LRP12: variants seen among roughly 807,000 people sequenced by gnomAD.
The protein encoded by LRP12 is LDL receptor related protein 12.
In LRP12, 14 loss-of-function variants were observed where a neutral mutation model predicts 66.0. That is an observed-to-expected ratio of 0.21 (90% CI 0.14 to 0.33). The LOEUF is 0.33. LRP12 is among the 10% of genes least tolerant of loss of function. The pLI, the probability that LRP12 is intolerant of heterozygous loss-of-function variation, is 1.00. For missense variants in LRP12, 889 were observed against 1,053.4 expected (o/e 0.84, Z 2.16); for synonymous variants, 357 against 359.1 (o/e 0.99, Z 0.07).
intron 1 of LRP12, among the ~76,000 whole-genome samples, chr8:104,563,659 C>T (rs1458134518): frequency 6.6e-6 from 1 of 152,054 alleles, no homozygotes; most frequent in Non-Finnish European, 1.5e-5. Context: ...AGGGCTCTGT[C>T]CTCAAGAATG....
Position 104,497,512 on chromosome 8 carries a change from G to C in LRP12, c.1040C>G (p.Ser347Cys), listed in dbSNP as rs759034148. 2.5e-6 allele frequency: 4 copies of C among 1,613,924 alleles called. No homozygotes were observed. The highest frequency in any genetic ancestry group is 1.3e-5 in the African/African-American group (1 of 74,904). ...ACAAAAATGTACCCTTATCTGTCCA[G>C]AAGAAGAAACAACTGTAAGAGGTGC... ...SHAPLTVVSS[S>C]GQIRVHFCAD... Residue 347 changes from serine to cysteine, a missense_variant, in exon 5 of 7, where the codon TCT becomes TGT. By Grantham distance (112) the Ser-to-Cys change is moderately radical (BLOSUM62 -1). Transcript: ENST00000276654. The surrounding 1 kb of genome is among the most constrained non-coding windows in gnomAD (Gnocchi z 4.3).
intron 1 of LRP12, among the ~76,000 whole-genome samples, chr8:104,561,679 C>G (rs983946015): frequency 3.9e-5 from 6 of 152,000 alleles, no homozygotes; most frequent in African/African-American, 1.5e-4. Context: ...TGTTATAAAC[C>G]AAGGAGTTTT....
At chr8:104,501,773 G>A (rs1203805187) in intron 3 of LRP12, among the ~76,000 whole-genome samples, 1 of 151,250 alleles carries the variant, frequency 6.6e-6, no homozygotes, top group East Asian at 1.9e-4. Context: ...CTTCCAGCCT[G>A]TGGTTTGTCT....
At chr8:104,510,499 C>T (rs1212160561) in intron 2 of LRP12, among the ~76,000 whole-genome samples, 1 of 152,006 alleles carries the variant, frequency 6.6e-6, no homozygotes, top group Admixed American at 6.6e-5. Context: ...CTGGAACTCT[C>T]GTTGCAATAT....
chr8:104,496,633 T>C (rs771679877), intron 5 of LRP12, among the ~76,000 whole-genome samples: 10 of 152,314 alleles, frequency 6.6e-5, no homozygotes, highest in African/African-American at 1.7e-4. Flanking sequence ...ACATAGCATA[T>C]AGAATAACTG....
Position 104,515,969 on chromosome 8 carries a change from G to T in LRP12, c.137-6895C>A, listed in dbSNP as rs138824026. 1.3e-3 allele frequency among the ~76,000 whole-genome samples: 193 copies of T among 152,110 alleles called. 1 individual carries two copies. Among genetic ancestry groups the T allele is most frequent in the African/African-American group, 4.6e-3 (190 of 41,522 alleles). ...GGGTCTCCCTATGTTGCCCAGGCTG[G>T]TCTTGAACTCTTGAGCTCAAATAAT... On this transcript the variant is annotated intron_variant, in intron 2 of 6. Transcript: ENST00000276654.
intron 1 of LRP12, among the ~76,000 whole-genome samples, chr8:104,539,256 T>C (rs1170247206): frequency 2.0e-5 from 3 of 152,002 alleles, no homozygotes; most frequent in African/African-American, 4.8e-5. Flanking sequence ...GGCACTTATA[T>C]TGATTTAAAA....
intron 1 of LRP12, among the ~76,000 whole-genome samples, chr8:104,565,930 C>T (rs924522554): frequency 9.8e-5 from 10 of 101,682 alleles, no homozygotes; most frequent in South Asian, 3.3e-4. Context: ...AATGGAAAGA[C>T]GGAGGGGGAG....
chr8:104,554,129 C>G (rs1328112846), intron 1 of LRP12, among the ~76,000 whole-genome samples: 1 of 149,718 alleles, frequency 6.7e-6, no homozygotes, highest in Non-Finnish European at 1.5e-5. Flanking sequence ...AGCAGCAGCC[C>G]TTGAGCCCGA....
chr8:104,568,180 G>GT (rs1010295900), intron 1 of LRP12, among the ~76,000 whole-genome samples: 5 of 152,050 alleles, frequency 3.3e-5, no homozygotes, highest in Non-Finnish European at 5.9e-5. Flanking sequence ...AGAAAGACTG[G>GT]TTTTTTCAAC....
At chr8:104,556,816 A>G (rs568806690) in intron 1 of LRP12, among the ~76,000 whole-genome samples, 2 of 152,286 alleles carry the variant, frequency 1.3e-5, no homozygotes, top group South Asian at 4.1e-4. Context: ...CATAACAAAG[A>G]AAACTACAGA....
chr8:104,567,628 A>G (rs2140891954), intron 1 of LRP12, among the ~76,000 whole-genome samples: 1 of 152,330 alleles, frequency 6.6e-6, no homozygotes, highest in South Asian at 2.1e-4. Flanking sequence ...AGAGCTAGTA[A>G]GTTCAACAAG....
rs1812051241 is a variant in LRP12 at position 104,569,726 on chromosome 8, T to C, written c.79+19093A>G. 2.0e-5 allele frequency among the ~76,000 whole-genome samples: 3 copies of C among 152,174 alleles called. No homozygotes were observed. In the South Asian group the frequency reaches 6.2e-4, roughly 32 times the overall value. ...AGCTAACATACTTAATGGTGGAATC[T>C]GAAATACTTTCCGCCCATGATGGAA... On this transcript the variant is annotated intron_variant, in intron 1 of 6. Transcript: ENST00000276654.
At chr8:104,531,010 T>TA (rs1389999619) in intron 2 of LRP12, among the ~76,000 whole-genome samples, 1 of 152,128 alleles carries the variant, frequency 6.6e-6, no homozygotes, top group Admixed American at 6.6e-5. Flanking sequence ...CACTAACCCT[T>TA]AGAGTATTTG....
chr8:104,558,738 AG>A (rs1032532172), intron 1 of LRP12, among the ~76,000 whole-genome samples: 1 of 152,026 alleles, frequency 6.6e-6, no homozygotes, highest in Non-Finnish European at 1.5e-5. Context: ...AGAATCTACA[AG>A]GAACTCAGAG....
chr8:104,525,710 C>A (rs1811224229), intron 2 of LRP12, among the ~76,000 whole-genome samples: 1 of 152,138 alleles, frequency 6.6e-6, no homozygotes, highest in South Asian at 2.1e-4. Context: ...CTATGACAAA[C>A]CCACAGCCAA....
rs540731220 is a variant in LRP12, at chr8:104,548,250, TA to T, written c.80-16288del. The stretch of plus-strand genomic sequence containing the variant: ...TATATTTATATTAATATACGATATA[TA>T]TTATATTAATATATGATATATATTA... On this transcript the variant is annotated intron_variant, in intron 1 of 6. Coordinates refer to ENST00000276654, the MANE Select transcript of LRP12 (RefSeq NM_013437.5). Among the ~76,000 whole-genome samples, 321 of 93,408 alleles carry T rather than the reference TA, an allele frequency of 3.4e-3. 19 individuals are homozygous for T. Among genetic ancestry groups the T allele is most frequent in the African/African-American group, 0.016 (269 of 16,636 alleles). The allele number at this position is 93,408 out of a possible 152,430, so 61.3% of individuals were successfully genotyped here.
chr8:104,548,606 A>AATTC, intron 1 of LRP12, among the ~76,000 whole-genome samples: 1 of 111,286 alleles, frequency 9.0e-6, no homozygotes, highest in Non-Finnish European at 1.8e-5. Context: ...ATAGAATTAT[A>AATTC]TAATTAAATT....
intron 1 of LRP12, among the ~76,000 whole-genome samples, chr8:104,587,087 C>T (rs1178503192): frequency 6.6e-6 from 1 of 152,182 alleles, no homozygotes; most frequent in Non-Finnish European, 1.5e-5. Flanking sequence ...TTCACAGCCT[C>T]TTATCCCTCG....
Sources: allele counts gnomAD v4.1 joint callset (sites outside exome capture counted in the v4.1 genomes callset), GRCh38; gene constraint gnomAD v4.1.1; non-coding constraint Gnocchi (gnomAD v3.1); transcripts MANE v1.5; gene names NCBI Gene and HGNC (gene_info 2026-07-23, HGNC 2026-07-21).